The following CDA variants were observed in gnomAD, a reference collection of about 807,000 sequenced individuals.
CDA encodes the protein cytidine aminohydrolase.
Under a neutral mutation model 15.0 loss-of-function variants are expected in CDA, and 7 were observed. That is an observed-to-expected ratio of 0.47 (90% confidence interval 0.26 to 0.87). The LOEUF is 0.87. Among genes scored for constraint, CDA ranks in the 40% least tolerant of loss-of-function variants. CDA has a pLI of 0.15. For missense variants in CDA, 159 were observed against 182.7 expected (o/e 0.87, Z 0.75); for synonymous variants, 58 against 73.0 (o/e 0.79, Z 1.05).
chr1:20,590,649 T>C (rs746703592), intron 1 of CDA, among the ~76,000 whole-genome samples: 4 of 152,184 alleles, frequency 2.6e-5, no homozygotes, highest in Non-Finnish European at 4.4e-5. Flanking sequence ...TGTCCACTTA[T>C]GTATCTGCCT....
intron 2 of CDA, among the ~76,000 whole-genome samples, chr1:20,610,304 A>ATTTT (rs1311607502): frequency 1.6e-5 from 2 of 124,650 alleles, no homozygotes; most frequent in East Asian, 2.2e-4. Flanking sequence ...TTATTTATTT[A>ATTTT]TTTTTATTTT....
intron 2 of CDA, among the ~76,000 whole-genome samples, chr1:20,608,286 G>A (rs2052712587): frequency 6.6e-6 from 1 of 150,806 alleles, no homozygotes; most frequent in Non-Finnish European, 1.5e-5. Flanking sequence ...CCCTGAGCCT[G>A]GCTTCTCATC....
intron 2 of CDA, among the ~76,000 whole-genome samples, chr1:20,605,895 T>A (rs1301956362): frequency 8.0e-6 from 1 of 125,656 alleles, no homozygotes; most frequent in Non-Finnish European, 1.8e-5. Flanking sequence ...ATTATCACAG[T>A]GTTGTACCAT....
chr1:20,589,450 C>A (rs1163326682), intron 1 of CDA, among the ~76,000 whole-genome samples, 167 bp downstream of exon 1: 1 of 152,218 alleles, frequency 6.6e-6, no homozygotes, highest in Non-Finnish European at 1.5e-5. Context: ...CTGCCCCAGA[C>A]CGCGCTCAAA....
chr1:20,616,241 A>C (rs2052801415), intron 3 of CDA, among the ~76,000 whole-genome samples: 1 of 151,964 alleles, frequency 6.6e-6, no homozygotes, highest in Non-Finnish European at 1.5e-5. Flanking sequence ...GGACAAAATT[A>C]TTTTCAACCA....
chr1:20,609,337 TTAA>T (rs2052724537), intron 2 of CDA, among the ~76,000 whole-genome samples: 2 of 152,144 alleles, frequency 1.3e-5, no homozygotes, highest in Non-Finnish European at 2.9e-5. Flanking sequence ...ACAAAAAAAA[TTAA>T]CCAGGCGTGG....
intron 2 of CDA, among the ~76,000 whole-genome samples, chr1:20,609,472 C>T (rs972088304): frequency 2.6e-5 from 4 of 151,720 alleles, no homozygotes; most frequent in African/African-American, 9.7e-5. Flanking sequence ...GGCGACAGAG[C>T]GAGACTCCGT....
At chr1:20,613,655 T>C (rs911223215) in intron 2 of CDA, among the ~76,000 whole-genome samples, 187 bp from the exon 3 acceptor site, 17 of 152,248 alleles carry the variant, frequency 1.1e-4, no homozygotes, top group Non-Finnish European at 2.9e-5. Context: ...GGCCCTGCCT[T>C]GTGGCAGTGT....
At chr1:20,597,727 C>T (rs549363297) in intron 1 of CDA, among the ~76,000 whole-genome samples, 245 of 152,312 alleles carry the variant, frequency 1.6e-3, no homozygotes, top group African/African-American at 5.8e-3. Flanking sequence ...CCATCCCAAT[C>T]TCTCTCATGT....
chr1:20,602,151 G>A (rs2052649597), intron 1 of CDA, among the ~76,000 whole-genome samples: 1 of 143,394 alleles, frequency 7.0e-6, no homozygotes, highest in African/African-American at 2.6e-5. Context: ...GAGGAGAAAG[G>A]AGGGGAGGGG....
At chr1:20,603,674 T>C (rs550807352) in intron 1 of CDA, among the ~76,000 whole-genome samples, 48 of 152,026 alleles carry the variant, frequency 3.2e-4, no homozygotes, top group African/African-American at 1.1e-3. Context: ...AAGGAAGAAA[T>C]AGGAAATGAA....
chr1:20,596,756 CTT>C (rs61288769), intron 1 of CDA, among the ~76,000 whole-genome samples: 2,098 of 101,018 alleles, frequency 0.021, 35 homozygotes, highest in African/African-American at 0.061. Context: ...CTGTTGATGT[CTT>C]TTTTTTTTTT....
intron 1 of CDA, among the ~76,000 whole-genome samples, chr1:20,599,857 G>T (rs141549513): frequency 9.3e-4 from 142 of 152,180 alleles, no homozygotes; most frequent in African/African-American, 3.1e-3. Context: ...TGCTTTACAC[G>T]AGTGATCTCA....
intron 3 of CDA, among the ~76,000 whole-genome samples, chr1:20,616,217 T>C (rs2052801302): frequency 6.6e-6 from 1 of 152,142 alleles, no homozygotes; most frequent in African/African-American, 2.4e-5. Flanking sequence ...TCTGTCTTTG[T>C]GGTTCTGTAA....
At chr1:20,604,496 T>C (rs1220215915) in intron 1 of CDA, among the ~76,000 whole-genome samples, 1 of 152,152 alleles carries the variant, frequency 6.6e-6, no homozygotes, top group African/African-American at 2.4e-5. Context: ...ACCATCACTT[T>C]GGGGGCTAGG....
intron 2 of CDA, among the ~76,000 whole-genome samples, chr1:20,610,712 C>T (rs772519919): frequency 2.0e-5 from 3 of 152,144 alleles, no homozygotes; most frequent in Non-Finnish European, 4.4e-5. Context: ...AGCTTACATA[C>T]GTAAGGAAAT....
intron 2 of CDA, among the ~76,000 whole-genome samples, chr1:20,608,493 T>G (rs1232689057): frequency 6.7e-6 from 1 of 149,034 alleles, no homozygotes; most frequent in Admixed American, 6.8e-5. Flanking sequence ...CACTGCAACC[T>G]CCGCCTCCCA....
Position 20,610,360 on chromosome 1 carries a change from G to A in CDA, c.267-3482G>A, listed in dbSNP as rs929436703. On this transcript the variant is annotated intron_variant, in intron 2 of 3. Transcript: ENST00000375071. ...TCTGTCACCCAGACTGGAGTGCAGTGGCATGATCTCGGCTCACTGCAACCT... is the reference window on the plus strand; with the variant it reads ...TCTGTCACCCAGACTGGAGTGCAGTAGCATGATCTCGGCTCACTGCAACCT... Among the ~76,000 whole-genome samples, 7 of 150,294 alleles carry A rather than the reference G, an allele frequency of 4.7e-5. No homozygotes were observed. The South Asian group carries it at 1.3e-3, about 27-fold the overall frequency.
At chr1:20,615,380 C>A (rs2052791900) in intron 3 of CDA, among the ~76,000 whole-genome samples, 3 of 147,276 alleles carry the variant, frequency 2.0e-5, no homozygotes, top group African/African-American at 7.5e-5. Context: ...AGCCTGTAAT[C>A]CCAGCAATTA....
Sources: gnomAD v4.1 joint callset for allele counts (sites outside exome capture counted in the v4.1 genomes callset) on GRCh38, gnomAD v4.1.1 for gene constraint, MANE v1.5 for transcripts, NCBI Gene and HGNC (gene_info 2026-07-23, HGNC 2026-07-21) for gene names.